The following SLC44A5 variants were observed in gnomAD, a reference collection of about 807,000 sequenced individuals.
SLC44A5 encodes solute carrier family 44 member 5.
In SLC44A5, 57 loss-of-function variants were observed where a neutral mutation model predicts 101.8. The observed-to-expected ratio is 0.56, with a 90% CI of 0.45 to 0.70. SLC44A5 has a LOEUF of 0.70. Ranked by LOEUF, SLC44A5 falls within the 30% of genes least tolerant of loss-of-function variation. SLC44A5 has a pLI of 0.00. For synonymous variants in SLC44A5, 281 were observed against 290.9 expected, an observed-to-expected ratio of 0.97 and a Z score of 0.35; for missense variants, 737 against 853.1, an observed-to-expected ratio of 0.86 and a Z score of 1.70.
chr1:75,384,058 A>T (rs894389574), intron 3 of SLC44A5, among the ~76,000 whole-genome samples: 21 of 151,538 alleles, frequency 1.4e-4, no homozygotes, highest in African/African-American at 5.1e-4. Flanking sequence ...TGAAGGAAGC[A>T]CTAAACATGG....
chr1:75,267,242 T>C (rs777105132), intron 6 of SLC44A5, among the ~76,000 whole-genome samples: 4 of 152,136 alleles, frequency 2.6e-5, no homozygotes, highest in African/African-American at 4.8e-5. Context: ...CTGAGGTAGG[T>C]TGTGTTCCAT....
chr1:75,363,370 G>T (rs1557704046), intron 3 of SLC44A5, among the ~76,000 whole-genome samples: 1 of 151,746 alleles, frequency 6.6e-6, no homozygotes. Context: ...TAGATTCTTT[G>T]TTTCTTTCTT....
intron 1 of SLC44A5, among the ~76,000 whole-genome samples, chr1:75,607,918 A>G (rs536317289): frequency 1.3e-5 from 2 of 152,046 alleles, no homozygotes; most frequent in East Asian, 1.9e-4. Flanking sequence ...TACAATATCC[A>G]TCACTATCTA....
At chr1:75,536,631 G>GAAAAAAAAAAAA (rs150362895) in intron 2 of SLC44A5, among the ~76,000 whole-genome samples, 1 of 126,736 alleles carries the variant, frequency 7.9e-6, no homozygotes, top group African/African-American at 2.9e-5. Context: ...AGAAAAGAAA[G>GAAAAAAAAAAAA]AAAAAAAAAG....
chr1:75,457,727 G>C (rs531883556), intron 2 of SLC44A5, among the ~76,000 whole-genome samples: 1 of 152,062 alleles, frequency 6.6e-6, no homozygotes, highest in South Asian at 2.1e-4. Flanking sequence ...GCATGGAGGC[G>C]CATGCCTGTA....
chr1:75,476,429 G>A (rs571012258), intron 2 of SLC44A5, among the ~76,000 whole-genome samples: 74 of 150,780 alleles, frequency 4.9e-4, no homozygotes, highest in African/African-American at 1.4e-3. Flanking sequence ...CACCGTGCAC[G>A]AGCCGAAGCA....
chr1:75,529,269 G>A (rs1274028183), intron 2 of SLC44A5, among the ~76,000 whole-genome samples: 2 of 152,124 alleles, frequency 1.3e-5, no homozygotes, highest in Admixed American at 1.3e-4. Flanking sequence ...CTTAGCATGT[G>A]CATTAAAAAT....
At chr1:75,301,447 C>T (rs1654443229) in intron 4 of SLC44A5, among the ~76,000 whole-genome samples, 1 of 152,072 alleles carries the variant, frequency 6.6e-6, no homozygotes, top group Admixed American at 6.5e-5. Context: ...AAGTGAGCAG[C>T]AATACTGTCA....
At chr1:75,717,054 A>T in the SLC44A5 span, among the ~76,000 whole-genome samples, 22 of 152,140 alleles carry the variant, frequency 1.4e-4, no homozygotes, top group South Asian at 6.2e-4. Context: ...TAAAATAAAA[A>T]AATAAAATAT....
At chr1:75,487,409 T>C (rs1668209946) in intron 2 of SLC44A5, among the ~76,000 whole-genome samples, 1 of 152,174 alleles carries the variant, frequency 6.6e-6, no homozygotes, top group African/African-American at 2.4e-5. Context: ...ACCACATCTA[T>C]AGTAGCTCCG....
At chr1:75,228,715 A>G (rs905605520) in intron 12 of SLC44A5, among the ~76,000 whole-genome samples, 1 of 151,620 alleles carries the variant, frequency 6.6e-6, no homozygotes, top group Admixed American at 6.6e-5. Flanking sequence ...TTTTTGAGCA[A>G]TCTACTCTAT....
At chr1:75,325,706 G>T (rs1656531756) in intron 4 of SLC44A5, among the ~76,000 whole-genome samples, 1 of 151,898 alleles carries the variant, frequency 6.6e-6, no homozygotes, top group Non-Finnish European at 1.5e-5. Flanking sequence ...GTATGTATAG[G>T]AAAATGCATA....
At chr1:75,486,413 T>G (rs1192144101) in intron 2 of SLC44A5, among the ~76,000 whole-genome samples, 1 of 152,246 alleles carries the variant, frequency 6.6e-6, no homozygotes, top group African/African-American at 2.4e-5. Flanking sequence ...TAAATAGATC[T>G]TAAGCTGAAT....
At chr1:75,555,361 C>A (rs1164265372) in intron 1 of SLC44A5, among the ~76,000 whole-genome samples, 6 of 151,958 alleles carry the variant, frequency 3.9e-5, no homozygotes, top group Non-Finnish European at 8.8e-5. Context: ...GGTGGCTCTA[C>A]AAATGTATAT....
At chr1:75,220,636 A>C (rs1013901272) in intron 14 of SLC44A5, among the ~76,000 whole-genome samples, 2 of 152,198 alleles carry the variant, frequency 1.3e-5, no homozygotes, top group African/African-American at 2.4e-5. Flanking sequence ...TTCTAATAGG[A>C]CATGGCTTGT....
upstream of SLC44A5, among the ~76,000 whole-genome samples, chr1:75,611,484 C>G (rs1380815298): frequency 1.3e-5 from 2 of 152,096 alleles, no homozygotes; most frequent in African/African-American, 4.8e-5. Context: ...AAATGAGACC[C>G]AAGAGCATGA....
At chr1:75,610,922 T>C (rs1037016222) in intron 1 of SLC44A5, 118 bp downstream of exon 1, 1 of 221,316 alleles carries the variant, frequency 4.5e-6, no homozygotes, top group Admixed American at 6.6e-5. Flanking sequence ...GACTTCACTA[T>C]ATATATGTGT....
chr1:75,441,900 T>C (rs1474945401), intron 2 of SLC44A5, among the ~76,000 whole-genome samples: 1 of 152,160 alleles, frequency 6.6e-6, no homozygotes, highest in Non-Finnish European at 1.5e-5. Context: ...AATGTATAAG[T>C]GATTTGAACA....
intron 1 of SLC44A5, among the ~76,000 whole-genome samples, chr1:75,554,873 A>T (rs1672133733): frequency 6.6e-6 from 1 of 152,146 alleles, no homozygotes; most frequent in Non-Finnish European, 1.5e-5. Flanking sequence ...GATACATATT[A>T]TTAGCTCTAG....
Sources: allele counts gnomAD v4.1 joint callset (sites outside exome capture counted in the v4.1 genomes callset), GRCh38; gene constraint gnomAD v4.1.1; transcripts MANE v1.5; gene names NCBI Gene and HGNC (gene_info 2026-07-23, HGNC 2026-07-21).